The following GPC6 variants were observed in gnomAD, a reference collection of about 807,000 sequenced individuals.
The protein encoded by GPC6 is glypican-6.
Under a neutral mutation model 55.2 loss-of-function variants are expected in GPC6, and 14 were observed. The observed-to-expected ratio is 0.25, with a 90% confidence interval of 0.17 to 0.40. The LOEUF (loss-of-function observed/expected upper bound fraction) is 0.40, where lower values mean the gene tolerates loss of function less well. Among genes scored for constraint, GPC6 ranks in the 10% least tolerant of loss-of-function variants. GPC6 has a pLI of 1.00. For missense variants in GPC6, 641 were observed against 708.5 expected (o/e 0.90, Z 1.08); for synonymous variants, 278 against 259.6 (o/e 1.07, Z -0.68).
intron 1 of GPC6, among the ~76,000 whole-genome samples, chr13:93,295,687 T>C (rs780723894): frequency 6.6e-6 from 1 of 151,964 alleles, no homozygotes; most frequent in Non-Finnish European, 1.5e-5. Flanking sequence ...TTCACTGTGT[T>C]AGCCAGGATG....
chr13:93,789,483 C>CTT (rs1885923915), intron 2 of GPC6, among the ~76,000 whole-genome samples: 2 of 34,246 alleles, frequency 5.8e-5, no homozygotes, highest in Admixed American at 6.5e-4. Flanking sequence ...TGTGAGTGAA[C>CTT]TCTCTCTCTC....
At chr13:93,985,324 C>T (rs1487920051) in intron 3 of GPC6, among the ~76,000 whole-genome samples, 2 of 152,010 alleles carry the variant, frequency 1.3e-5, no homozygotes, top group Non-Finnish European at 2.9e-5. Context: ...GTAATCCCAG[C>T]TACTTGAGAG....
chr13:93,580,944 G>A (rs956005359), intron 2 of GPC6, among the ~76,000 whole-genome samples: 1 of 151,964 alleles, frequency 6.6e-6, no homozygotes, highest in Admixed American at 6.6e-5. Flanking sequence ...AAATATAAAA[G>A]TGTTTTTTTT....
At chr13:93,675,961 G>C (rs1881570333) in intron 2 of GPC6, among the ~76,000 whole-genome samples, 1 of 151,524 alleles carries the variant, frequency 6.6e-6, no homozygotes, top group Admixed American at 6.6e-5. Flanking sequence ...ATGAAGATTT[G>C]AACTGGGCTT....
intron 3 of GPC6, among the ~76,000 whole-genome samples, chr13:93,992,872 A>C (rs1427309590): frequency 6.6e-6 from 1 of 152,164 alleles, no homozygotes; most frequent in African/African-American, 2.4e-5. Flanking sequence ...GCTAGGCTTC[A>C]TTTTCTGTGC....
intron 1 of GPC6, among the ~76,000 whole-genome samples, chr13:93,248,195 T>A (rs1876666254): frequency 1.3e-5 from 2 of 152,224 alleles, no homozygotes; most frequent in Non-Finnish European, 2.9e-5. Flanking sequence ...TAGGTTAGAA[T>A]GAGCTTAATT....
rs543287687 is a variant in GPC6 at position 94,106,149 on chromosome 13, G to T, written c.877+78255G>T. The stretch of plus-strand genomic sequence containing the variant: ...TATCCAGCTATCCTACATTGGAAAG[G>T]GTAGCTCCCACGACCAAGAGTTATC... On this transcript the variant is annotated intron_variant, in intron 4 of 8. Transcript: ENST00000377047. 3.9e-5 allele frequency among the ~76,000 whole-genome samples: 5 copies of T among 129,258 alleles called. No homozygotes were observed. In the East Asian group the frequency reaches 1.2e-3, roughly 31 times the overall value. 84.8% of individuals were successfully genotyped at this position (129,258 alleles called of 152,430 possible).
chr13:94,070,194 T>G (rs534070828), intron 4 of GPC6, among the ~76,000 whole-genome samples: 4 of 152,314 alleles, frequency 2.6e-5, no homozygotes, highest in African/African-American at 9.6e-5. Context: ...AGAGAGCTTG[T>G]GTAGGGAAAC....
intron 4 of GPC6, among the ~76,000 whole-genome samples, chr13:94,168,005 A>G (rs1888425649): frequency 6.6e-6 from 1 of 152,242 alleles, no homozygotes; most frequent in South Asian, 2.1e-4. Flanking sequence ...AAATGCTTAT[A>G]TAATATTTAG....
rs528031293 is a variant in GPC6 at position 93,885,315 on chromosome 13, A to G, written c.711+54770A>G. Among the ~76,000 whole-genome samples the G allele has an allele frequency of 4.2e-4, 63 of 150,146 alleles. 1 individual carries two copies. The highest frequency in any genetic ancestry group is 1.3e-3 in the African/African-American group (53 of 40,768). Reference sequence around the variant, plus strand: ...GATCCACTCTTTCTACAATTTTACTATTGATCATGCATTATTTTTGCTACC... The same window carrying G: ...GATCCACTCTTTCTACAATTTTACTGTTGATCATGCATTATTTTTGCTACC... On this transcript the variant is annotated intron_variant, in intron 3 of 8. Transcript: ENST00000377047.
chr13:93,312,201 C>G (rs9516213), intron 1 of GPC6, among the ~76,000 whole-genome samples: 63,486 of 151,840 alleles, frequency 0.42, 13,545 homozygotes, highest in South Asian at 0.49. Context: ...GATAAATTAT[C>G]TCTTTTGTTG....
intron 4 of GPC6, among the ~76,000 whole-genome samples, chr13:94,110,720 T>C (rs1406949087): frequency 6.6e-6 from 1 of 152,126 alleles, no homozygotes; most frequent in Admixed American, 6.6e-5. Flanking sequence ...TAAAAATAAA[T>C]CATTTAATAG....
chr13:93,481,491 A>T (rs1879518973), intron 1 of GPC6, among the ~76,000 whole-genome samples: 1 of 152,114 alleles, frequency 6.6e-6, no homozygotes, highest in Non-Finnish European at 1.5e-5. Flanking sequence ...TTGGTGTTAT[A>T]GCTAAGAATC....
At chr13:93,888,775 A>G (rs1324305913) in intron 3 of GPC6, among the ~76,000 whole-genome samples, 2 of 152,172 alleles carry the variant, frequency 1.3e-5, no homozygotes, top group Non-Finnish European at 2.9e-5. Flanking sequence ...ATTACTCCTG[A>G]TGGAATAAGC....
chr13:94,223,665 G>A (rs57175636), intron 4 of GPC6, among the ~76,000 whole-genome samples: 1 of 151,996 alleles, frequency 6.6e-6, no homozygotes, highest in African/African-American at 2.4e-5. Flanking sequence ...AATCCTCCAC[G>A]CACTACAACA....
intron 2 of GPC6, among the ~76,000 whole-genome samples, chr13:93,601,710 C>T (rs940291945): frequency 1.6e-4 from 25 of 152,304 alleles, no homozygotes; most frequent in African/African-American, 5.8e-4. Context: ...GCCCAGACCT[C>T]GGGATATTCC....
At chr13:94,260,773 G>A (rs1383534273) in intron 4 of GPC6, among the ~76,000 whole-genome samples, 6 of 152,118 alleles carry the variant, frequency 3.9e-5, no homozygotes, top group East Asian at 1.9e-4. Context: ...AAGAGAAGGG[G>A]TCAGATCAGA....
intron 3 of GPC6, among the ~76,000 whole-genome samples, chr13:93,906,834 C>A (rs1008652819): frequency 2.0e-5 from 3 of 152,174 alleles, no homozygotes; most frequent in African/African-American, 7.2e-5. Flanking sequence ...ATGAAGGATT[C>A]TTTGGTAGCT....
intron 1 of GPC6, among the ~76,000 whole-genome samples, chr13:93,232,898 T>G (rs1876108925): frequency 6.6e-6 from 1 of 152,158 alleles, no homozygotes; most frequent in African/African-American, 2.4e-5. Flanking sequence ...CTTTTGATCT[T>G]ATATTGAAAC....
Sources: gnomAD v4.1 joint callset for allele counts (sites outside exome capture counted in the v4.1 genomes callset) on GRCh38, gnomAD v4.1.1 for gene constraint, MANE v1.5 for transcripts, NCBI Gene and HGNC (gene_info 2026-07-23, HGNC 2026-07-21) for gene names.